The following EPN2 variants were observed in gnomAD, a reference collection of about 807,000 sequenced individuals.
EPN2 encodes the protein epsin 2.
EPN2 carries 34 observed loss-of-function variants against 61.7 expected under a neutral mutation model. That is an observed-to-expected ratio of 0.55 (90% CI 0.42 to 0.73). The LOEUF (loss-of-function observed/expected upper bound fraction) is 0.73. EPN2 is among the 30% of genes least tolerant of loss of function. The probability of loss-of-function intolerance (pLI) is 0.00; values close to 1 mark genes in which losing one functional copy is unlikely to be tolerated. For missense variants in EPN2, 714 were observed against 839.2 expected (o/e 0.85, Z 1.84); for synonymous variants, 349 against 353.6 (o/e 0.99, Z 0.15).
chr17:19,317,816 G>A (rs139292333), intron 7 of EPN2, among the ~76,000 whole-genome samples: 3 of 152,316 alleles, frequency 2.0e-5, no homozygotes, highest in Admixed American at 2.0e-4. Context: ...CATAGAGGAG[G>A]AGCATGCCCA....
At chr17:19,300,673 C>T (rs1905446175) in intron 4 of EPN2, among the ~76,000 whole-genome samples, 1 of 152,136 alleles carries the variant, frequency 6.6e-6, no homozygotes, top group Non-Finnish European at 1.5e-5. Flanking sequence ...GGTGATCCAT[C>T]CGCCTTGGCC....
At chr17:19,322,165 A>G (rs1906668102) in intron 7 of EPN2, among the ~76,000 whole-genome samples, 2 of 152,206 alleles carry the variant, frequency 1.3e-5, no homozygotes, top group Admixed American at 6.5e-5. Context: ...GGATGGAAAC[A>G]GTTATTTCTG....
intron 1 of EPN2, among the ~76,000 whole-genome samples, chr17:19,238,455 C>T (rs2044843952): frequency 6.6e-6 from 1 of 152,198 alleles, no homozygotes; most frequent in Admixed American, 6.5e-5. Context: ...CCCGCCGGAG[C>T]TTGTGGAAGG....
intron 1 of EPN2, among the ~76,000 whole-genome samples, chr17:19,241,480 G>A (rs1247510322): frequency 2.6e-5 from 4 of 151,724 alleles, no homozygotes; most frequent in Non-Finnish European, 5.9e-5. Flanking sequence ...CAGCTACTCG[G>A]GAGGCTGAGG....
Position 19,331,769 on chromosome 17 carries a change from C to T in EPN2, c.1412-84C>T, listed in dbSNP as rs1907163200. Reference sequence around the variant, plus strand: ...TGGCGCTGTCAGGCAGGCATGTCCCCAGGAGGCCATGTTTTGTGTTAAGTA... The same window carrying T: ...TGGCGCTGTCAGGCAGGCATGTCCCTAGGAGGCCATGTTTTGTGTTAAGTA... On this transcript the variant is annotated intron_variant, in intron 9 of 10. Transcript: ENST00000314728. 1.4e-5 allele frequency: 17 copies of T among 1,209,100 alleles called. 1 individual carries two copies. The South Asian group carries it at 2.0e-4, about 14-fold the overall frequency. 74.9% of individuals were successfully genotyped at this position (1,209,100 alleles called of 1,614,324 possible).
chr17:19,280,444 C>T (rs1230768759), intron 1 of EPN2, among the ~76,000 whole-genome samples: 1 of 152,180 alleles, frequency 6.6e-6, no homozygotes, highest in Non-Finnish European at 1.5e-5. Flanking sequence ...ATGTGCAGGT[C>T]ACCGTGCAAA....
chr17:19,257,438 C>T (rs1363277875), intron 1 of EPN2, among the ~76,000 whole-genome samples: 27 of 152,012 alleles, frequency 1.8e-4, no homozygotes, highest in Admixed American at 1.8e-3. Context: ...AGCACTTGAC[C>T]TATAGCCTTA....
chr17:19,255,436 CTTTATTTA>C (rs58603139), intron 1 of EPN2, among the ~76,000 whole-genome samples: 15,705 of 138,232 alleles, frequency 0.11, 1,184 homozygotes, highest in East Asian at 0.35. Context: ...TCTTCATTTA[CTTTATTTA>C]TTTATTTATT....
chr17:19,268,414 G>A (rs2045221606), intron 1 of EPN2, among the ~76,000 whole-genome samples: 2 of 152,066 alleles, frequency 1.3e-5, no homozygotes, highest in Admixed American at 1.3e-4. Context: ...CTGAAGTATA[G>A]TGGCATGATC....
chr17:19,293,939 A>T (rs1281540706), intron 4 of EPN2, among the ~76,000 whole-genome samples: 1 of 151,814 alleles, frequency 6.6e-6, no homozygotes, highest in Non-Finnish European at 1.5e-5. Context: ...AAATACAAAA[A>T]ATTAGTCGGG....
At position 19,328,794 on chromosome 17, in the gene EPN2, T is replaced by A; in HGVS notation, c.1231T>A (p.Trp411Arg). The change falls in exon 8 of 11, where the codon TGG (tryptophan) becomes AGG (arginine). Residue 411 changes from tryptophan (W) to arginine (R), a missense_variant. Trp to Arg is a moderately radical substitution (Grantham distance 101, BLOSUM62 -3). Coordinates refer to ENST00000314728, the MANE Select transcript of EPN2 (RefSeq NM_014964.5). ...VQSVPKNSDP[W>R]AASQQPASSA... is the part of the protein sequence containing the mutation. Reference sequence around the variant, plus strand: ...ATCTGTCCCCAAGAACTCGGACCCCTGGGCAGCTTCACAGCAGCCTGCCTC... The same window carrying A: ...ATCTGTCCCCAAGAACTCGGACCCCAGGGCAGCTTCACAGCAGCCTGCCTC... 6.2e-7 allele frequency: 1 copy of A among 1,613,682 alleles called. No homozygotes were observed. Among genetic ancestry groups the A allele is most frequent in the Non-Finnish European group, 8.5e-7 (1 of 1,179,696 alleles).
Position 19,284,654 on chromosome 17 carries a change from G to T in EPN2, c.595+940G>T, listed in dbSNP as rs971092374. ...AGAAAACTTCTTTTTAAAGGAAGTT[G>T]TCTGTAGTTTGACAGACCTCAGTCA... On this transcript the variant is annotated intron_variant, in intron 3 of 10. Coordinates refer to ENST00000314728, the MANE Select transcript of EPN2 (RefSeq NM_014964.5). Among the ~76,000 whole-genome samples the T allele has an allele frequency of 2.6e-5, 4 of 152,234 alleles. No homozygotes were observed. In the East Asian group the frequency reaches 7.7e-4, roughly 29 times the overall value.
intron 1 of EPN2, among the ~76,000 whole-genome samples, chr17:19,237,840 A>AGG (rs1386067851): frequency 6.6e-6 from 1 of 151,670 alleles, no homozygotes; most frequent in Non-Finnish European, 1.5e-5. Flanking sequence ...CCCAGAGTCC[A>AGG]GGGCGCCCCT....
intron 7 of EPN2, among the ~76,000 whole-genome samples, chr17:19,314,332 GC>G (rs3837832): frequency 0.18 from 26,868 of 150,972 alleles, 3,060 homozygotes; most frequent in East Asian, 0.6. Flanking sequence ...TGTGAGGTAA[GC>G]ATTTTGGAGG....
At chr17:19,287,067 C>A (rs963863136) in intron 4 of EPN2, among the ~76,000 whole-genome samples, 1 of 152,082 alleles carries the variant, frequency 6.6e-6, no homozygotes, top group Non-Finnish European at 1.5e-5. Flanking sequence ...GTTACCCTGG[C>A]CCTCTAGCTC....
chr17:19,309,421 G>T (rs1906010457), intron 4 of EPN2, among the ~76,000 whole-genome samples: 1 of 152,190 alleles, frequency 6.6e-6, no homozygotes, highest in Admixed American at 6.5e-5. Context: ...GAGCCACCGC[G>T]CCTGGCCTCA....
chr17:19,256,964 C>T (rs906101937), intron 1 of EPN2, among the ~76,000 whole-genome samples: 1 of 152,080 alleles, frequency 6.6e-6, no homozygotes, highest in African/African-American at 2.4e-5. Context: ...TCCCACTGTC[C>T]CTGCTTTAAA....
At chr17:19,301,561 A>G (rs569990225) in intron 4 of EPN2, among the ~76,000 whole-genome samples, 1 of 152,298 alleles carries the variant, frequency 6.6e-6, no homozygotes, top group Non-Finnish European at 1.5e-5. Context: ...AGACCAGTCA[A>G]GTGGCATCAC....
At chr17:19,247,761 G>A (rs867615986) in intron 1 of EPN2, among the ~76,000 whole-genome samples, 3 of 152,190 alleles carry the variant, frequency 2.0e-5, no homozygotes, top group South Asian at 2.1e-4. Context: ...GGGGCCCTGC[G>A]GAGTAATCTC....
Sources: allele counts gnomAD v4.1 joint callset (sites outside exome capture counted in the v4.1 genomes callset), GRCh38; gene constraint gnomAD v4.1.1; transcripts MANE v1.5; gene names NCBI Gene and HGNC (gene_info 2026-07-23, HGNC 2026-07-21).